The following PRMT2 variants were observed in gnomAD, a reference collection of about 807,000 sequenced individuals.
The protein encoded by PRMT2 is protein arginine N-methyltransferase 2.
Under a neutral mutation model 57.6 loss-of-function variants are expected in PRMT2, and 26 were observed. The observed-to-expected ratio is 0.45, with a 90% CI of 0.33 to 0.63. The LOEUF (loss-of-function observed/expected upper bound fraction) is 0.63. Among genes scored for constraint, PRMT2 ranks in the 20% least tolerant of loss-of-function variants. The pLI, the probability that PRMT2 is intolerant of heterozygous loss-of-function variation, is 0.02. For missense variants in PRMT2, 472 were observed against 564.4 expected, an observed-to-expected ratio of 0.84 and a Z score of 1.66; for synonymous variants, 219 against 220.0, an observed-to-expected ratio of 1.00 and a Z score of 0.04.
At chr21:46,641,719 C>CTGTGTG (rs34542867) in intron 3 of PRMT2, among the ~76,000 whole-genome samples, 82 of 148,218 alleles carry the variant, frequency 5.5e-4, no homozygotes, top group South Asian at 8.6e-4. Flanking sequence ...AAGAAACAGC[C>CTGTGTG]TGTGTGTGTG....
intron 5 of PRMT2, among the ~76,000 whole-genome samples, chr21:46,645,543 G>A (rs1163010912): frequency 2.6e-5 from 4 of 152,102 alleles, no homozygotes; most frequent in Admixed American, 6.5e-5. Context: ...CCTATAACCC[G>A]ATGGTCCAGG....
Position 46,664,869 on chromosome 21 carries a change from CAG to C in PRMT2, c.*543_*544del. 6.3e-6 allele frequency: 1 copy of C among 158,806 alleles called. No individual in the cohort carries two copies. Among genetic ancestry groups the C allele is most frequent in the Non-Finnish European group, 1.4e-5 (1 of 71,734 alleles). 9.8% of individuals were successfully genotyped at this position (158,806 alleles called of 1,614,324 possible). On this transcript the variant is annotated 3_prime_UTR_variant, in exon 12 of 12. Transcript: ENST00000355680. ...CGATGGGACTCTGCATGGGATAGTACAGTTGTGTAGACGTCTTCCAAATAAAT... is the reference window on the plus strand; with the variant it reads ...CGATGGGACTCTGCATGGGATAGTACTTGTGTAGACGTCTTCCAAATAAAT...
intron 5 of PRMT2, among the ~76,000 whole-genome samples, chr21:46,646,656 A>G (rs2061369955): frequency 6.6e-6 from 1 of 152,214 alleles, no homozygotes; most frequent in Admixed American, 6.5e-5. Flanking sequence ...ATAATGCTGT[A>G]ATGGAGTCCT....
At chr21:46,641,407 G>A (rs780432070) in intron 3 of PRMT2, among the ~76,000 whole-genome samples, 14 of 152,214 alleles carry the variant, frequency 9.2e-5, no homozygotes, top group African/African-American at 3.4e-4. Context: ...CAAAGTGCAG[G>A]TCAGGCGTGG....
chr21:46,654,472 G>C (rs1437190791), intron 7 of PRMT2, among the ~76,000 whole-genome samples: 1 of 152,170 alleles, frequency 6.6e-6, no homozygotes, highest in African/African-American at 2.4e-5. Context: ...AAATCCTGGA[G>C]AGTAGACAGG....
At chr21:46,654,203 C>T (rs991469013) in intron 7 of PRMT2, 100 of 859,518 alleles carry the variant, frequency 1.2e-4, no homozygotes, top group Non-Finnish European at 1.3e-4. Context: ...ATGGCAGCAC[C>T]GTTTAAAATG....
At chr21:46,659,646 C>T in intron 8 of PRMT2, 1 of 985,420 alleles carries the variant, frequency 1.0e-6, no homozygotes, top group Admixed American at 6.1e-5. Context: ...AAAATAGTAG[C>T]CCAGGCTTGC....
Position 46,636,853 on chromosome 21 carries a change from A to G in PRMT2, c.-56-43A>G, listed in dbSNP as rs1228620435. 6 of 1,187,984 alleles carry G rather than the reference A, an allele frequency of 5.1e-6. No individual in the cohort carries two copies. The Admixed American group carries it at 1.4e-4, about 28-fold the overall frequency. The allele number at this position is 1,187,984 out of a possible 1,614,324, so 73.6% of individuals were successfully genotyped here. On this transcript the variant is annotated intron_variant, in intron 2 of 11. Coordinates refer to ENST00000355680, the MANE Select transcript of PRMT2 (RefSeq NM_206962.4). ...AGTTAAGTGAACTCAATTATTAAGC[A>G]ATGTAACAAGTACTTTGTGTCTCCT...
chr21:46,653,300 A>G, intron 7 of PRMT2: 1 of 985,460 alleles, frequency 1.0e-6, no homozygotes, highest in Non-Finnish European at 1.2e-6. Flanking sequence ...AAGTCAGCTC[A>G]TGAAAACAGG....
At chr21:46,651,282 C>T (rs568430402) in intron 7 of PRMT2, among the ~76,000 whole-genome samples, 8 of 152,276 alleles carry the variant, frequency 5.3e-5, no homozygotes, top group Admixed American at 1.3e-4. Flanking sequence ...GTGAGCAGGA[C>T]GGTGCCTCCC....
intron 7 of PRMT2, among the ~76,000 whole-genome samples, chr21:46,656,063 C>T (rs2061537855): frequency 6.6e-6 from 1 of 152,188 alleles, no homozygotes; most frequent in East Asian, 1.9e-4. Flanking sequence ...GTGTTTGGGT[C>T]ATGGGTGTGG....
At chr21:46,656,036 G>A (rs1011259165) in intron 7 of PRMT2, among the ~76,000 whole-genome samples, 3 of 152,150 alleles carry the variant, frequency 2.0e-5, no homozygotes, top group Non-Finnish European at 4.4e-5. Context: ...GTGTTGGGAG[G>A]TGGGGCCTAG....
chr21:46,641,485 C>T (rs939529250), intron 3 of PRMT2, among the ~76,000 whole-genome samples: 8 of 152,180 alleles, frequency 5.3e-5, no homozygotes, highest in African/African-American at 1.2e-4. Flanking sequence ...GTGGGGAGTT[C>T]GAGACCAGCC....
At chr21:46,663,847 C>G (rs2061666118) in intron 11 of PRMT2, among the ~76,000 whole-genome samples, 1 of 152,164 alleles carries the variant, frequency 6.6e-6, no homozygotes, top group Admixed American at 6.5e-5. Flanking sequence ...TGTGCCATGT[C>G]CAGAGGGTCC....
rs34541039 is a variant in PRMT2, at chr21:46,643,475, CAA to C, written c.40-44_40-43del. On this transcript the variant is annotated intron_variant, in intron 3 of 11. Transcript: ENST00000355680. ...TTTGAAACCATCCTAATAATATAGC[CAA>C]AAAAAAAAAAAAAAAGCTCCAGCGT... The C allele has an allele frequency of 8.7e-3, 10,554 of 1,219,154 alleles. 3 individuals carry two copies. The highest frequency in any genetic ancestry group is 0.025 in the African/African-American group (1,391 of 55,476). The allele number at this position is 1,219,154 out of a possible 1,614,324, so 75.5% of individuals were successfully genotyped here.
intron 3 of PRMT2, among the ~76,000 whole-genome samples, chr21:46,640,674 C>G (rs1255465504): frequency 6.6e-6 from 1 of 150,866 alleles, no homozygotes; most frequent in Non-Finnish European, 1.5e-5. Flanking sequence ...AACTTCTGAT[C>G]TCAGGTGATC....
chr21:46,655,581 A>G (rs577135445), intron 7 of PRMT2, among the ~76,000 whole-genome samples: 3 of 152,318 alleles, frequency 2.0e-5, no homozygotes, highest in Admixed American at 1.3e-4. Flanking sequence ...AAAAACCTAC[A>G]GAAAATCCTA....
In PRMT2 at chr21:46,649,866, G is replaced by T; in HGVS notation, c.654+127G>T. 1 of 1,504,718 alleles carries T rather than the reference G, an allele frequency of 6.6e-7. No homozygotes were observed. The highest frequency in any genetic ancestry group is 8.9e-7 in the Non-Finnish European group (1 of 1,117,324). The allele number at this position is 1,504,718 out of a possible 1,614,324, so 93.2% of individuals were successfully genotyped here. On this transcript the variant is annotated intron_variant, in intron 7 of 11. Transcript: ENST00000355680. The surrounding 1 kb of genome is among the most constrained non-coding windows in gnomAD (Gnocchi z 4.8). ...ATTTTGATGTTTTCCCTAATGTGAG[G>T]TCTAATTAATTTCTTGTGTGGACAT...
intron 10 of PRMT2, among the ~76,000 whole-genome samples, chr21:46,662,703 C>T (rs1050480422): frequency 1.3e-5 from 2 of 152,156 alleles, no homozygotes; most frequent in Non-Finnish European, 2.9e-5. Context: ...AGGAGCCCCC[C>T]ACTTCACTGC....
Sources: gnomAD v4.1 joint callset for allele counts (sites outside exome capture counted in the v4.1 genomes callset) on GRCh38, gnomAD v4.1.1 for gene constraint, Gnocchi (gnomAD v3.1) non-coding constraint, MANE v1.5 for transcripts, NCBI Gene and HGNC (gene_info 2026-07-23, HGNC 2026-07-21) for gene names.